The following ATG7 variants were observed in gnomAD, a reference collection of about 807,000 sequenced individuals.
ATG7 encodes the protein autophagy related 7.
In ATG7, 70 loss-of-function variants were observed where a neutral mutation model predicts 82.4. The observed-to-expected ratio is 0.85, with a 90% CI of 0.70 to 1.04. The LOEUF (loss-of-function observed/expected upper bound fraction) is 1.04. Ranked by LOEUF, ATG7 falls within the 50% of genes least tolerant of loss-of-function variation. The pLI, the probability that ATG7 is intolerant of heterozygous loss-of-function variation, is 0.00. For synonymous variants in ATG7, 287 were observed against 313.0 expected, an observed-to-expected ratio of 0.92 and a Z score of 0.88; for missense variants, 792 against 864.3, an observed-to-expected ratio of 0.92 and a Z score of 1.05.
chr3:11,372,863 T>TGTGA (rs2077128503), intron 18 of ATG7, among the ~76,000 whole-genome samples: 1 of 150,552 alleles, frequency 6.6e-6, no homozygotes, highest in South Asian at 2.1e-4. Flanking sequence ...TGTGTGTGTG[T>TGTGA]GAAATCGGCC....
At chr3:11,320,322 T>C (rs1351397311) in intron 9 of ATG7, among the ~76,000 whole-genome samples, 1 of 152,038 alleles carries the variant, frequency 6.6e-6, no homozygotes, top group African/African-American at 2.4e-5. Flanking sequence ...TTTCACTCTT[T>C]GTTGCCCAGG....
intron 20 of ATG7, among the ~76,000 whole-genome samples, chr3:11,540,945 G>T (rs1362685531): frequency 1.4e-5 from 2 of 147,732 alleles, no homozygotes; most frequent in Admixed American, 6.9e-5. Context: ...TGTCGCCCAG[G>T]CTGGAGTGCA....
chr3:11,462,772 T>G (rs1404247923), intron 20 of ATG7, among the ~76,000 whole-genome samples: 1 of 152,162 alleles, frequency 6.6e-6, no homozygotes, highest in Admixed American at 6.6e-5. Flanking sequence ...GAAAGGTTTT[T>G]TAAAAGATGT....
chr3:11,302,016 A>G (rs565551377), intron 5 of ATG7, among the ~76,000 whole-genome samples: 4 of 152,358 alleles, frequency 2.6e-5, no homozygotes, highest in African/African-American at 9.6e-5. Context: ...TCCTGCAGCT[A>G]TGACTTTCAC....
Position 11,554,846 on chromosome 3 carries a change from TG to T in ATG7, c.*5del. ...TGAGCGATGATGAGACCATCTGAGA[TG>T]GCCCCGCTGTGGGGCTGACTTCTCC... On this transcript the variant is annotated 3_prime_UTR_variant, in exon 21 of 21. Transcript: ENST00000693202. 6.2e-7 allele frequency: 1 copy of T among 1,612,798 alleles called. No individual in the cohort carries two copies. The highest frequency in any genetic ancestry group is 8.5e-7 in the Non-Finnish European group (1 of 1,179,646).
chr3:11,519,763 G>A (rs2092393952), intron 20 of ATG7, among the ~76,000 whole-genome samples: 2 of 151,788 alleles, frequency 1.3e-5, no homozygotes, highest in Non-Finnish European at 2.9e-5. Context: ...GGGTTTCACA[G>A]TGTTATCCAG....
chr3:11,526,350 C>G (rs961412444), intron 20 of ATG7, among the ~76,000 whole-genome samples: 1 of 152,152 alleles, frequency 6.6e-6, no homozygotes, highest in African/African-American at 2.4e-5. Flanking sequence ...CGTGATCACT[C>G]CACTGCACTC....
chr3:11,539,684 C>T (rs9873812), intron 20 of ATG7, among the ~76,000 whole-genome samples: 8,409 of 152,258 alleles, frequency 0.055, 710 homozygotes, highest in African/African-American at 0.17. Flanking sequence ...AAACTCCCCC[C>T]GTCTTAAGCT....
At chr3:11,467,442 T>A (rs2086944382) in intron 20 of ATG7, among the ~76,000 whole-genome samples, 1 of 152,190 alleles carries the variant, frequency 6.6e-6, no homozygotes, top group Non-Finnish European at 1.5e-5. Flanking sequence ...AATGGTGCGA[T>A]CTCGGCTTAC....
At chr3:11,516,809 G>A (rs1053594107) in intron 20 of ATG7, among the ~76,000 whole-genome samples, 1 of 152,174 alleles carries the variant, frequency 6.6e-6, no homozygotes, top group African/African-American at 2.4e-5. Flanking sequence ...GAGGCTTGGC[G>A]CAGTGGCTCA....
intron 18 of ATG7, among the ~76,000 whole-genome samples, chr3:11,375,658 C>G (rs1023635256): frequency 6.6e-6 from 1 of 152,234 alleles, no homozygotes; most frequent in African/African-American, 2.4e-5. Context: ...CTTCCGGTTT[C>G]AAGCAATTCT....
At chr3:11,456,769 C>G (rs1331961364) in intron 20 of ATG7, among the ~76,000 whole-genome samples, 1 of 152,154 alleles carries the variant, frequency 6.6e-6, no homozygotes. Flanking sequence ...TTTTTTTCCT[C>G]TCTTTCTACT....
At chr3:11,379,908 G>T in intron 18 of ATG7, 64 bp from the exon 19 acceptor site, 2 of 1,490,798 alleles carry the variant, frequency 1.3e-6, no homozygotes, top group Non-Finnish European at 9.4e-7. Context: ...GAAACCAGAC[G>T]TGCATTTCAT....
chr3:11,429,164 C>T (rs1455006759), intron 20 of ATG7, among the ~76,000 whole-genome samples: 1 of 152,090 alleles, frequency 6.6e-6, no homozygotes, highest in African/African-American at 2.4e-5. Context: ...TTGGCCTGCC[C>T]AGTTTGTTAA....
chr3:11,450,506 A>G (rs9310384), intron 20 of ATG7, among the ~76,000 whole-genome samples: 78,086 of 152,022 alleles, frequency 0.51, 20,977 homozygotes, highest in East Asian at 0.67. Context: ...GCAAGGTCAC[A>G]AGAGATCAAT....
At chr3:11,558,469 C>G, downstream of ATG7, 4 of 1,344,258 alleles carry the variant, frequency 3.0e-6, no homozygotes, top group Non-Finnish European at 4.0e-6. Flanking sequence ...CCACCCCACC[C>G]CCATGATTTT....
intron 20 of ATG7, among the ~76,000 whole-genome samples, chr3:11,439,193 C>T (rs1263946261): frequency 2.0e-5 from 3 of 151,594 alleles, no homozygotes; most frequent in East Asian, 1.9e-4. Flanking sequence ...CTCAGCCTCC[C>T]GAGTAGCAGG....
chr3:11,547,396 G>A (rs2071386929), intron 20 of ATG7, among the ~76,000 whole-genome samples: 1 of 152,044 alleles, frequency 6.6e-6, no homozygotes, highest in African/African-American at 2.4e-5. Context: ...TTCATCAGTT[G>A]GTGGAAACTG....
intron 20 of ATG7, among the ~76,000 whole-genome samples, chr3:11,445,474 T>C (rs1201015784): frequency 6.6e-6 from 1 of 152,092 alleles, no homozygotes; most frequent in Non-Finnish European, 1.5e-5. Flanking sequence ...AAGTGGGAGC[T>C]GAATCATGAG....
Sources: allele counts gnomAD v4.1 joint callset (sites outside exome capture counted in the v4.1 genomes callset), GRCh38; gene constraint gnomAD v4.1.1; transcripts MANE v1.5; gene names NCBI Gene and HGNC (gene_info 2026-07-23, HGNC 2026-07-21).